Variants in LRFN5 observed in about 807,000 individuals in gnomAD.
The protein encoded by LRFN5 is leucine-rich repeat and fibronectin type-III domain-containing protein 5.
LRFN5 carries 24 observed loss-of-function variants against 45.6 expected under a neutral mutation model. That is an observed-to-expected ratio of 0.53 (90% CI 0.38 to 0.74). The LOEUF is 0.74. LRFN5 is among the 30% of genes least tolerant of loss of function. The pLI is 0.00. For missense variants in LRFN5, 776 were observed against 861.5 expected (o/e 0.90, Z 1.24); for synonymous variants, 340 against 313.8 (o/e 1.08, Z -0.88).
At chr14:41,805,393 T>TATTC (rs1471564135) in intron 2 of LRFN5, among the ~76,000 whole-genome samples, 3 of 143,330 alleles carry the variant, frequency 2.1e-5, no homozygotes, top group African/African-American at 8.1e-5. Flanking sequence ...AGTTTTATTT[T>TATTC]ATTTATTTAT....
In LRFN5 at chr14:41,887,669, T is replaced by G. The variant is rs534925474; in HGVS notation, c.1044T>G (p.Thr348=). The change falls in exon 3 of 6, where the codon ACT becomes ACG. Residue 348 remains threonine (T), a synonymous_variant. Coordinates refer to ENST00000298119, the MANE Select transcript of LRFN5 (RefSeq NM_152447.5). This position sits in a 1 kb window ranked among gnomAD's most constrained non-coding sequence, Gnocchi z 4.8. ...GAACACTTGACATTCTTATCACAAC[T>G]GTAAAGGATACAGGTGCTTTTACCT... is the stretch of plus-strand genomic sequence containing the variant. ...DNGTLDILIT[T]VKDTGAFTCI... 1.2e-5 allele frequency: 20 copies of G among 1,614,092 alleles called. No homozygotes were observed. Among genetic ancestry groups the G allele is most frequent in the Non-Finnish European group, 1.7e-5 (20 of 1,180,046 alleles).
At chr14:41,851,087 A>G (rs1247923053) in intron 2 of LRFN5, among the ~76,000 whole-genome samples, 3 of 151,744 alleles carry the variant, frequency 2.0e-5, no homozygotes, top group Non-Finnish European at 3.0e-5. Flanking sequence ...AATTTCAAAT[A>G]GATAACAGTT....
intron 2 of LRFN5, among the ~76,000 whole-genome samples, chr14:41,829,203 T>G (rs1566470025): frequency 6.6e-6 from 1 of 152,034 alleles, no homozygotes; most frequent in Non-Finnish European, 1.5e-5. Flanking sequence ...CTCTGCATTC[T>G]ATGAAGACAG....
At chr14:41,884,951 A>G (rs1466786898) in intron 2 of LRFN5, among the ~76,000 whole-genome samples, 1 of 152,240 alleles carries the variant, frequency 6.6e-6, no homozygotes, top group African/African-American at 2.4e-5. Context: ...TGCTTTAATT[A>G]GAAAACTAGG....
At chr14:41,757,170 A>G (rs1019151916) in intron 1 of LRFN5, among the ~76,000 whole-genome samples, 5 of 152,046 alleles carry the variant, frequency 3.3e-5, no homozygotes, top group Admixed American at 3.3e-4. Context: ...TGCCCCTACT[A>G]GGGGGTGCCT....
intron 2 of LRFN5, among the ~76,000 whole-genome samples, chr14:41,856,672 A>ATTTTTTT (rs1889465921): frequency 5.0e-4 from 3 of 5,980 alleles, no homozygotes; most frequent in Non-Finnish European, 1.9e-3. Context: ...TATTATTATT[A>ATTTTTTT]TTATTTTTTT....
chr14:41,761,049 C>T (rs775476420), intron 1 of LRFN5, among the ~76,000 whole-genome samples: 13 of 152,090 alleles, frequency 8.5e-5, no homozygotes, highest in South Asian at 4.1e-4. Flanking sequence ...GTCAAACAAA[C>T]TTGAAATAGA....
intron 2 of LRFN5, among the ~76,000 whole-genome samples, chr14:41,820,685 T>C (rs12435480): frequency 0.13 from 20,270 of 151,994 alleles, 1,432 homozygotes; most frequent in East Asian, 0.22. Flanking sequence ...AGTAATTTCA[T>C]TGGATCTGTA....
intron 1 of LRFN5, among the ~76,000 whole-genome samples, chr14:41,663,495 C>A (rs1019823069): frequency 6.6e-6 from 1 of 151,878 alleles, no homozygotes; most frequent in Non-Finnish European, 1.5e-5. Flanking sequence ...ACTATGAACC[C>A]TTTGTGTAAG....
chr14:41,859,177 A>T (rs1889576786), intron 2 of LRFN5, among the ~76,000 whole-genome samples: 1 of 152,188 alleles, frequency 6.6e-6, no homozygotes, highest in Non-Finnish European at 1.5e-5. Flanking sequence ...AAAATTTAAC[A>T]GTCTTCCATG....
intron 2 of LRFN5, among the ~76,000 whole-genome samples, chr14:41,770,541 A>T (rs1886044392): frequency 6.6e-6 from 1 of 152,214 alleles, no homozygotes; most frequent in African/African-American, 2.4e-5. Context: ...AAGGGGTAAT[A>T]GACCCTGTAC....
At chr14:41,798,930 T>C (rs1887228126) in intron 2 of LRFN5, among the ~76,000 whole-genome samples, 1 of 152,040 alleles carries the variant, frequency 6.6e-6, no homozygotes, top group Admixed American at 6.6e-5. Context: ...ATATATGTTT[T>C]AATCTTTCTG....
At chr14:41,892,803 C>G (rs1210036752) in intron 4 of LRFN5, 1 of 985,164 alleles carries the variant, frequency 1.0e-6, no homozygotes, top group Non-Finnish European at 1.2e-6. Flanking sequence ...TATGAAAACT[C>G]TAATCAGTTT....
intron 1 of LRFN5, among the ~76,000 whole-genome samples, chr14:41,754,743 G>A (rs548380096): frequency 3.9e-5 from 6 of 152,146 alleles, no homozygotes; most frequent in South Asian, 2.1e-4. Flanking sequence ...TTTTTGAAGC[G>A]TTTTTTGTGT....
chr14:41,660,852 C>T (rs1880617672), intron 1 of LRFN5, among the ~76,000 whole-genome samples: 2 of 150,724 alleles, frequency 1.3e-5, no homozygotes, highest in South Asian at 4.2e-4. Context: ...TTTCTATGAA[C>T]TATTTAGAAT....
chr14:41,695,864 T>C (rs181875722), intron 1 of LRFN5, among the ~76,000 whole-genome samples: 1 of 152,108 alleles, frequency 6.6e-6, no homozygotes, highest in Non-Finnish European at 1.5e-5. Context: ...CAACAAGTAC[T>C]TTCAAACTTT....
chr14:41,674,266 G>C (rs1424548676), intron 1 of LRFN5, among the ~76,000 whole-genome samples: 19 of 128,884 alleles, frequency 1.5e-4, no homozygotes, highest in Non-Finnish European at 5.0e-5. Context: ...TCACTTCCCA[G>C]TAGGGGCGGC....
chr14:41,646,066 G>T (rs1879803951), intron 1 of LRFN5, among the ~76,000 whole-genome samples: 1 of 152,080 alleles, frequency 6.6e-6, no homozygotes, highest in Non-Finnish European at 1.5e-5. Context: ...ATAGTGATCA[G>T]ATCAGAGTAA....
intron 1 of LRFN5, among the ~76,000 whole-genome samples, chr14:41,653,223 C>T (rs1010000001): frequency 6.6e-6 from 1 of 152,116 alleles, no homozygotes; most frequent in African/African-American, 2.4e-5. Flanking sequence ...GCATCTTCAT[C>T]ATAAAGTCTT....
Sources: allele counts gnomAD v4.1 joint callset (sites outside exome capture counted in the v4.1 genomes callset), GRCh38; gene constraint gnomAD v4.1.1; non-coding constraint Gnocchi (gnomAD v3.1); transcripts MANE v1.5; gene names NCBI Gene and HGNC (gene_info 2026-07-23, HGNC 2026-07-21).